ABCA4: variants seen among roughly 807,000 people sequenced by gnomAD.
ABCA4 encodes the protein ATP binding cassette subfamily A member 4, also known as retinal-specific phospholipid-transporting ATPase ABCA4.
In ABCA4, 196 loss-of-function variants were observed where a neutral mutation model predicts 263.7. The ratio of observed to expected loss-of-function variants is 0.74; its 90% CI spans 0.66 to 0.84. ABCA4 has a LOEUF of 0.84. ABCA4 is among the 40% of genes least tolerant of loss of function. The pLI, the probability that ABCA4 is intolerant of heterozygous loss-of-function variation, is 0.00. For missense variants in ABCA4, 2,792 were observed against 2,855.1 expected (o/e 0.98, Z 0.50); for synonymous variants, 1,133 against 1,094.2 (o/e 1.04, Z -0.70).
At chr1:94,095,716 A>C (rs4147823) in intron 6 of ABCA4, among the ~76,000 whole-genome samples, 32,070 of 150,516 alleles carry the variant, frequency 0.21, 3,519 homozygotes, top group South Asian at 0.29. Flanking sequence ...AATAAAGGCA[A>C]AGTCCCATTT....
Position 94,037,158 on chromosome 1 carries a change from G to C in ABCA4, c.3800C>G (p.Thr1267Ser), listed in dbSNP as rs763219678. 1.9e-6 allele frequency: 3 copies of C among 1,614,190 alleles called. No individual in the cohort carries two copies. Among genetic ancestry groups the C allele is most frequent in the Admixed American group, 1.7e-5 (1 of 60,026 alleles). ...LGLSSFGISD[T>S]PLEEIFLKVT... ...TCTCTACTTTACCTCTTCCAGGGGAGTGTCAGAAATTCCAAAACTGCTGAG... is the reference window on the plus strand; with the variant it reads ...TCTCTACTTTACCTCTTCCAGGGGACTGTCAGAAATTCCAAAACTGCTGAG... Residue 1267 changes from threonine to serine, a missense_variant, in exon 25 of 50, where the codon ACT becomes AGT. Physicochemically the swap from Thr to Ser is moderately conservative, Grantham distance 58. Coordinates refer to ENST00000370225, the MANE Select transcript of ABCA4 (RefSeq NM_000350.3).
intron 36 of ABCA4, among the ~76,000 whole-genome samples, chr1:94,018,043 T>G (rs1173822838): frequency 6.6e-6 from 1 of 152,230 alleles, no homozygotes; most frequent in East Asian, 1.9e-4. Flanking sequence ...TTTAAAATTC[T>G]GGAGCATCAG....
chr1:94,059,140 C>CA (rs1379981611), intron 14 of ABCA4, among the ~76,000 whole-genome samples: 1 of 152,204 alleles, frequency 6.6e-6, no homozygotes, highest in African/African-American at 2.4e-5. Flanking sequence ...ACAAGCCAGG[C>CA]AAAATCTCAT....
chr1:94,001,393 A>C (rs1455282959), intron 45 of ABCA4: 5 of 541,168 alleles, frequency 9.2e-6, no homozygotes, highest in African/African-American at 1.9e-5. Context: ...AAATCCTGCA[A>C]ATACATTTGT....
chr1:94,000,683 T>C (rs945630398), intron 47 of ABCA4, among the ~76,000 whole-genome samples, 153 bp downstream of exon 47: 4 of 152,174 alleles, frequency 2.6e-5, no homozygotes, highest in Non-Finnish European at 5.9e-5. Flanking sequence ...GATGGCCTTC[T>C]CCATCTGCTG....
intron 24 of ABCA4, among the ~76,000 whole-genome samples, chr1:94,039,005 C>T (rs1392959402): frequency 1.3e-5 from 2 of 152,158 alleles, no homozygotes; most frequent in Non-Finnish European, 2.9e-5. Context: ...GCCATGCAGG[C>T]CCTGTTTCCA....
chr1:94,037,516 A>C (rs1660373109), intron 24 of ABCA4, among the ~76,000 whole-genome samples, 166 bp from the exon 25 acceptor site: 1 of 151,992 alleles, frequency 6.6e-6, no homozygotes, highest in African/African-American at 2.4e-5. Context: ...GTCTGCTTTT[A>C]GCTTAGTTGG....
At position 94,116,968 on chromosome 1, in the gene ABCA4, C is replaced by CTTTCTTTCTT. The variant is rs764312285; in HGVS notation, c.67-3903_67-3902insAAGAAAGAAA. On this transcript the variant is annotated intron_variant, in intron 1 of 49. Coordinates refer to ENST00000370225, the MANE Select transcript of ABCA4 (RefSeq NM_000350.3). ...CCCTCCCTCCCTCCTTTCTTTCTTT[C>CTTTCTTTCTT]TCTTTCTTTCTTTCTTTCTTTCTTT... Among the ~76,000 whole-genome samples, 416 of 100,052 alleles carry CTTTCTTTCTT rather than the reference C, an allele frequency of 4.2e-3. 5 individuals are homozygous for CTTTCTTTCTT. The highest frequency in any genetic ancestry group is 0.025 in the East Asian group (80 of 3,138). The allele number at this position is 100,052 out of a possible 152,430, so 65.6% of individuals were successfully genotyped here.
chr1:94,098,609 T>C (rs1390754680), intron 6 of ABCA4, among the ~76,000 whole-genome samples, 185 bp downstream of exon 6: 1 of 152,162 alleles, frequency 6.6e-6, no homozygotes, highest in African/African-American at 2.4e-5. Flanking sequence ...CATAGTGACT[T>C]CTGGGTCCCT....
At chr1:93,994,907 G>A (rs1658956558) in intron 49 of ABCA4, among the ~76,000 whole-genome samples, 1 of 152,154 alleles carries the variant, frequency 6.6e-6, no homozygotes, top group South Asian at 2.1e-4. Context: ...GCAGGGGTGG[G>A]GAGACCATTG....
chr1:94,094,713 G>A (rs1360745679), intron 6 of ABCA4, among the ~76,000 whole-genome samples: 1 of 152,138 alleles, frequency 6.6e-6, no homozygotes, highest in Non-Finnish European at 1.5e-5. Flanking sequence ...AGATTTCAAA[G>A]CTGTGCACCA....
chr1:94,013,336 G>A lies in ABCA4; in HGVS notation c.5460+1207C>T, dbSNP rs1339560281. 5.3e-5 allele frequency among the ~76,000 whole-genome samples: 8 copies of A among 151,876 alleles called. No individual in the cohort carries two copies. In the East Asian group the frequency reaches 1.4e-3, roughly 26 times the overall value. ...GAAACCCTAACAAGATCTGGAAAGA[G>A]TCAGTCTCAGGGGTCCACGGGTCTG... On this transcript the variant is annotated intron_variant, in intron 38 of 49. Coordinates refer to ENST00000370225, the MANE Select transcript of ABCA4 (RefSeq NM_000350.3).
rs1327007638 is a variant in ABCA4, at chr1:94,089,057, C to CAG, written c.769-5618_769-5617dup. Among the ~76,000 whole-genome samples, 6 of 152,226 alleles carry CAG rather than the reference C, an allele frequency of 3.9e-5. No homozygotes were observed. The East Asian group carries it at 9.6e-4, about 24-fold the overall frequency. On this transcript the variant is annotated intron_variant, in intron 6 of 49. Transcript: ENST00000370225. ...CCCTCTCCTTTACTTCTGCAGGCCCCAGGCACACTCTGGTCTTGAAACTCC... is the reference window on the plus strand; with the variant it reads ...CCCTCTCCTTTACTTCTGCAGGCCCCAGAGGCACACTCTGGTCTTGAAACTCC...
intron 6 of ABCA4, among the ~76,000 whole-genome samples, chr1:94,091,047 C>T (rs1170073968): frequency 2.0e-5 from 3 of 151,894 alleles, no homozygotes; most frequent in East Asian, 1.9e-4. Context: ...GAGAAAGGAA[C>T]GTGAAGAGAG....
chr1:94,080,328 A>G, intron 8 of ABCA4, 150 bp downstream of exon 8: 1 of 1,075,698 alleles, frequency 9.3e-7, no homozygotes, highest in South Asian at 1.3e-5. Flanking sequence ...TGCAAGGGGA[A>G]GTGGACTTTC....
Position 94,098,887 on chromosome 1 carries a change from C to T in ABCA4, c.675G>A (p.Val225=), listed in dbSNP as rs779850233. The T allele has an allele frequency of 1.1e-5, 17 of 1,614,080 alleles. No homozygotes were observed. Among genetic ancestry groups the T allele is most frequent in the South Asian group, 3.3e-5 (3 of 91,076 alleles). Residue 225 remains valine (V), a synonymous_variant, in exon 6 of 50, where the codon GTG becomes GTA. Transcript: ENST00000370225. ...IFSQRRGAKT[V]RYALCSLSQG... ...GGGAGAGGGAGCACAGGGCATAGCG[C>T]ACCGTCTTTGCCCCGCGTCTCTGGC...
intron 6 of ABCA4, among the ~76,000 whole-genome samples, chr1:94,087,503 C>G (rs1661863380): frequency 6.6e-6 from 1 of 152,220 alleles, no homozygotes; most frequent in Non-Finnish European, 1.5e-5. Context: ...TGGAAATGGT[C>G]TTTTGAAGTA....
chr1:94,033,529 G>A (rs1277668409), intron 26 of ABCA4, among the ~76,000 whole-genome samples: 3 of 151,938 alleles, frequency 2.0e-5, no homozygotes, highest in Non-Finnish European at 4.4e-5. Context: ...GCAAGTTGTC[G>A]GTTATGTTGA....
In ABCA4 at chr1:94,060,662, C is replaced by T; in HGVS notation, c.2035G>A (p.Glu679Lys). 2 of 1,614,154 alleles carry T rather than the reference C, an allele frequency of 1.2e-6. No individual in the cohort carries two copies. The highest frequency in any genetic ancestry group is 1.6e-4 in the Middle Eastern group (1 of 6,062). The part of the protein sequence containing the change: ...MTVKSIVLEK[E>K]LRLKETLKNQ... ...TTCAAGGTCTCCTTCAGTCGCAACT[C>T]CTTCTCCAAGACGATGCTCTTCACA... The change falls in exon 14 of 50, where the codon GAG (glutamate) becomes AAG (lysine). Residue 679 changes from glutamate (E) to lysine (K), a missense_variant. Coordinates refer to ENST00000370225, the MANE Select transcript of ABCA4 (RefSeq NM_000350.3).
Sources: gnomAD v4.1 joint callset for allele counts (sites outside exome capture counted in the v4.1 genomes callset) on GRCh38, gnomAD v4.1.1 for gene constraint, MANE v1.5 for transcripts, NCBI Gene and HGNC (gene_info 2026-07-23, HGNC 2026-07-21) for gene names.